PRKD1: variants seen among roughly 807,000 people sequenced by gnomAD.
PRKD1 encodes the protein protein kinase D1.
Under a neutral mutation model 95.9 loss-of-function variants are expected in PRKD1, and 63 were observed. The ratio of observed to expected loss-of-function variants is 0.66; its 90% CI spans 0.54 to 0.81. The LOEUF is 0.81. PRKD1 is among the 30% of genes least tolerant of loss of function. PRKD1 has a pLI of 0.00. For missense variants in PRKD1, 1,048 were observed against 1,165.3 expected, an observed-to-expected ratio of 0.90 and a Z score of 1.47; for synonymous variants, 425 against 423.1, an observed-to-expected ratio of 1.00 and a Z score of -0.05.
intron 2 of PRKD1, among the ~76,000 whole-genome samples, chr14:29,719,700 A>C (rs1885792157): frequency 6.6e-6 from 1 of 152,222 alleles, no homozygotes; most frequent in South Asian, 2.1e-4. Context: ...AATTACTTAC[A>C]TAAACTGCTT....
intron 2 of PRKD1, among the ~76,000 whole-genome samples, chr14:29,711,393 A>C (rs145889414): frequency 1.3e-5 from 2 of 152,256 alleles, no homozygotes; most frequent in East Asian, 3.9e-4. Flanking sequence ...ACAATCACAC[A>C]GCTATAAACT....
intron 1 of PRKD1, among the ~76,000 whole-genome samples, chr14:29,903,048 G>C (rs1894373850): frequency 1.3e-5 from 2 of 152,180 alleles, no homozygotes; most frequent in African/African-American, 4.8e-5. Flanking sequence ...CTCTAGGGCA[G>C]TCAACACAAG....
intron 1 of PRKD1, among the ~76,000 whole-genome samples, chr14:29,758,264 A>G (rs1416195512): frequency 6.6e-6 from 1 of 152,126 alleles, no homozygotes; most frequent in East Asian, 1.9e-4. Flanking sequence ...TAACCACAGA[A>G]GGTGGAGAGA....
chr14:29,767,943 G>A (rs1331190117), intron 1 of PRKD1, among the ~76,000 whole-genome samples: 3 of 152,304 alleles, frequency 2.0e-5, no homozygotes, highest in African/African-American at 7.2e-5. Context: ...TTTCAAGCAA[G>A]AGGTAAATAG....
intron 2 of PRKD1, among the ~76,000 whole-genome samples, chr14:29,723,642 G>T (rs1348130765): frequency 6.7e-6 from 1 of 149,972 alleles, no homozygotes; most frequent in South Asian, 2.2e-4. Context: ...ATAGGTAAGC[G>T]CAGGAGATCT....
At position 29,891,425 on chromosome 14, in the gene PRKD1, T is replaced by C. The variant is rs180727688; in HGVS notation, c.264+35824A>G. 9.2e-4 allele frequency among the ~76,000 whole-genome samples: 140 copies of C among 152,336 alleles called. 3 individuals are homozygous for C. The highest frequency in any genetic ancestry group is 3.3e-3 in the African/African-American group (136 of 41,590). On this transcript the variant is annotated intron_variant, in intron 1 of 17. Coordinates refer to ENST00000331968, the MANE Select transcript of PRKD1 (RefSeq NM_002742.3). ...GTTTTCCTTCCTCCCATCCACCTCC[T>C]GCCTCATGCATGCACGCATGCACTA...
chr14:29,584,554 A>T (rs1892850837), intron 16 of PRKD1, among the ~76,000 whole-genome samples: 1 of 152,126 alleles, frequency 6.6e-6, no homozygotes. Flanking sequence ...TTCGCACATA[A>T]GTTTTATAAA....
At chr14:29,612,338 T>C (rs1878524487) in intron 13 of PRKD1, among the ~76,000 whole-genome samples, 1 of 152,214 alleles carries the variant, frequency 6.6e-6, no homozygotes, top group African/African-American at 2.4e-5. Context: ...ATACACAACA[T>C]TTTCCAAATT....
intron 4 of PRKD1, among the ~76,000 whole-genome samples, chr14:29,644,694 T>G (rs1330091620): frequency 6.6e-6 from 1 of 152,144 alleles, no homozygotes; most frequent in African/African-American, 2.4e-5. Flanking sequence ...TATCATTATC[T>G]AGTTCAGCCG....
Position 29,770,783 on chromosome 14 carries a change from A to C in PRKD1, c.265-45109T>G, listed in dbSNP as rs193108799. Among the ~76,000 whole-genome samples the C allele has an allele frequency of 3.0e-4, 46 of 152,192 alleles. 2 individuals are homozygous for C. Among genetic ancestry groups the C allele is most frequent in the African/African-American group, 1.1e-3 (44 of 41,544 alleles). On this transcript the variant is annotated intron_variant, in intron 1 of 17. Transcript: ENST00000331968. ...GGAGTTTAAGACCACCCTGCACAAC[A>C]CAGTGAGACCTTGTCTCTACAAAAT...
chr14:29,806,996 T>C (rs1594536083), intron 1 of PRKD1, among the ~76,000 whole-genome samples: 1 of 152,296 alleles, frequency 6.6e-6, no homozygotes, highest in Middle Eastern at 3.4e-3. Context: ...CTGTAGTCAA[T>C]TAAGTCTGCA....
At chr14:29,733,410 T>C (rs568389275) in intron 1 of PRKD1, among the ~76,000 whole-genome samples, 1 of 152,268 alleles carries the variant, frequency 6.6e-6, no homozygotes, top group African/African-American at 2.4e-5. Context: ...AGTTCACTGA[T>C]ATTTTCTACT....
At chr14:29,911,332 C>A (rs1326747775) in intron 1 of PRKD1, among the ~76,000 whole-genome samples, 1 of 152,050 alleles carries the variant, frequency 6.6e-6, no homozygotes, top group Non-Finnish European at 1.5e-5. Context: ...TTGTTCAAAT[C>A]TGTTAGACTT....
At chr14:29,808,046 AATG>A (rs1890312674) in intron 1 of PRKD1, among the ~76,000 whole-genome samples, 1 of 152,052 alleles carries the variant, frequency 6.6e-6, no homozygotes. Flanking sequence ...ATAAGACAAC[AATG>A]ATGTTTGCTG....
At chr14:29,744,632 T>C (rs1226343727) in intron 1 of PRKD1, among the ~76,000 whole-genome samples, 1 of 152,128 alleles carries the variant, frequency 6.6e-6, no homozygotes, top group African/African-American at 2.4e-5. Context: ...CTGTAGCCTC[T>C]ACCTCCCGGG....
At chr14:29,801,809 A>T (rs1890043689) in intron 1 of PRKD1, among the ~76,000 whole-genome samples, 1 of 152,104 alleles carries the variant, frequency 6.6e-6, no homozygotes, top group Non-Finnish European at 1.5e-5. Flanking sequence ...CTGCCTCAGC[A>T]TCCCCAGTAG....
chr14:29,659,093 T>A (rs908990523), intron 4 of PRKD1, among the ~76,000 whole-genome samples: 3 of 152,194 alleles, frequency 2.0e-5, no homozygotes, highest in Non-Finnish European at 2.9e-5. Context: ...CATAAACCCA[T>A]GTAACCTCTA....
rs191848823 is a variant in PRKD1, at chr14:29,680,481, C to A, written c.404-14273G>T. On this transcript the variant is annotated intron_variant, in intron 2 of 17. Transcript: ENST00000331968. ...ATATAAGAAAGAAAAAAACCTACAA[C>A]GCACTATTATGAAGTACAGAAAGGC... is the stretch of plus-strand genomic sequence containing the variant. 1.2e-4 allele frequency among the ~76,000 whole-genome samples: 19 copies of A among 152,272 alleles called. 1 individual carries two copies. In the Middle Eastern group the frequency reaches 0.01, roughly 82 times the overall value.
chr14:29,824,699 G>A (rs1398740916), intron 1 of PRKD1, among the ~76,000 whole-genome samples: 3 of 152,118 alleles, frequency 2.0e-5, no homozygotes, highest in African/African-American at 2.4e-5. Flanking sequence ...CTATACTGAT[G>A]AAACTATTCT....
Sources: allele counts gnomAD v4.1 joint callset (sites outside exome capture counted in the v4.1 genomes callset), GRCh38; gene constraint gnomAD v4.1.1; transcripts MANE v1.5; gene names NCBI Gene and HGNC (gene_info 2026-07-23, HGNC 2026-07-21).